TMEM181: variants seen among roughly 807,000 people sequenced by gnomAD.
TMEM181 encodes G protein-coupled receptor 178.
In TMEM181, 39 loss-of-function variants were observed where a neutral mutation model predicts 71.9. The observed-to-expected ratio is 0.54, with a 90% CI of 0.42 to 0.71. The LOEUF (loss-of-function observed/expected upper bound fraction) is 0.71, where lower values mean the gene tolerates loss of function less well. Among genes scored for constraint, TMEM181 ranks in the 30% least tolerant of loss-of-function variants. TMEM181 has a pLI of 0.00. For missense variants in TMEM181, 595 were observed against 583.0 expected (o/e 1.02, Z -0.21); for synonymous variants, 245 against 228.8 (o/e 1.07, Z -0.64).
chr6:158,608,042 TCA>T (rs1275936489), intron 8 of TMEM181, among the ~76,000 whole-genome samples: 1 of 152,252 alleles, frequency 6.6e-6, no homozygotes, highest in African/African-American at 2.4e-5. Context: ...AGCAATCTGT[TCA>T]GTGGCTTTTA....
chr6:158,612,578 C>G (rs1299312129), intron 10 of TMEM181, among the ~76,000 whole-genome samples: 3 of 152,192 alleles, frequency 2.0e-5, no homozygotes, highest in Non-Finnish European at 4.4e-5. Flanking sequence ...TTTTTGTTCC[C>G]AAACCAATAA....
chr6:158,595,621 A>G (rs1463262260), intron 6 of TMEM181, among the ~76,000 whole-genome samples: 1 of 152,256 alleles, frequency 6.6e-6, no homozygotes, highest in Non-Finnish European at 1.5e-5. Flanking sequence ...TCATAGCTTC[A>G]TGTAATGTCA....
chr6:158,570,981 C>G (rs1209147937), intron 1 of TMEM181, among the ~76,000 whole-genome samples: 25 of 149,980 alleles, frequency 1.7e-4, no homozygotes, highest in African/African-American at 6.1e-4. Flanking sequence ...GGTGTGATCT[C>G]GGCTCACTGC....
intron 8 of TMEM181, 25 bp downstream of exon 8, chr6:158,607,368 G>A: frequency 6.2e-7 from 1 of 1,606,394 alleles, no homozygotes; most frequent in Non-Finnish European, 8.5e-7. Flanking sequence ...TTTTACTTAG[G>A]AACTTTTCCC....
chr6:158,631,517 T>A (rs1175988750), intron 16 of TMEM181, 128 bp downstream of exon 16: 2 of 1,046,440 alleles, frequency 1.9e-6, no homozygotes, highest in Non-Finnish European at 2.9e-6. Context: ...GAGTGTCAAG[T>A]GGCTCGTGGT....
At chr6:158,628,833 G>A (rs1187883547) in intron 14 of TMEM181, among the ~76,000 whole-genome samples, 1 of 152,236 alleles carries the variant, frequency 6.6e-6, no homozygotes, top group Non-Finnish European at 1.5e-5. Context: ...AGGTAAATGA[G>A]GTGCGGTTGC....
At position 158,633,604 on chromosome 6, in the gene TMEM181, G is replaced by A. The variant is rs746307215; in HGVS notation, c.*1716G>A. 2.0e-5 allele frequency: 3 copies of A among 151,112 alleles called. No homozygotes were observed. Among genetic ancestry groups the A allele is most frequent in the East Asian group, 3.8e-4 (2 of 5,200 alleles). 9.4% of individuals were successfully genotyped at this position (151,112 alleles called of 1,614,324 possible). A position where few individuals can be genotyped will look rare whatever the true frequency, so the allele number is the denominator to read the frequency against. ...ATCCACGTTAAGTAGTGCTAGGTAG[G>A]ACCTTAGAGATGTTCATGAGAAACT... On this transcript the variant is annotated 3_prime_UTR_variant, in exon 17 of 17. Transcript: ENST00000684151.
intron 1 of TMEM181, chr6:158,572,561 C>A: frequency 2.2e-6 from 1 of 445,192 alleles, no homozygotes; most frequent in Non-Finnish European, 4.5e-6. Context: ...CTCGTGCGTC[C>A]TGTGCTGCTC....
At chr6:158,550,397 C>A (rs1218095648) in intron 1 of TMEM181, among the ~76,000 whole-genome samples, 1 of 151,672 alleles carries the variant, frequency 6.6e-6, no homozygotes, top group Non-Finnish European at 1.5e-5. Context: ...GTGGCTCATG[C>A]CTGTAATCCC....
At position 158,628,596 on chromosome 6, in the gene TMEM181, C is replaced by T. The variant is rs1056601230; in HGVS notation, c.1192+106C>T. On this transcript the variant is annotated intron_variant, in intron 14 of 16. Coordinates refer to ENST00000684151, the MANE Select transcript of TMEM181 (RefSeq NM_001376852.1). ...CAAGAGGAGACAGGTCAGCTCCTCG[C>T]GCCCTGTTCTCCGGAGGCCTCGTCT... The T allele has an allele frequency of 1.8e-4, 177 of 957,180 alleles. No homozygotes were observed. The African/African-American group carries it at 2.3e-3, about 13-fold the overall frequency. The allele number at this position is 957,180 out of a possible 1,614,324, so 59.3% of individuals were successfully genotyped here. A position where few individuals can be genotyped will look rare whatever the true frequency, so the allele number is the denominator to read the frequency against.
upstream of TMEM181, among the ~76,000 whole-genome samples, chr6:158,556,116 A>G (rs1781876058): frequency 1.3e-5 from 2 of 152,256 alleles, no homozygotes; most frequent in Non-Finnish European, 2.9e-5. Context: ...AGGACTTTTC[A>G]GAAAAGACAA....
intron 1 of TMEM181, among the ~76,000 whole-genome samples, chr6:158,572,788 G>A (rs1017384676): frequency 2.0e-5 from 3 of 152,174 alleles, no homozygotes; most frequent in South Asian, 2.1e-4. Flanking sequence ...AAACCTGCAC[G>A]GCAAGGCAGC....
In TMEM181 at chr6:158,633,107, T is replaced by A. The variant is rs2128334859; in HGVS notation, c.*1219T>A. On this transcript the variant is annotated 3_prime_UTR_variant, in exon 17 of 17. Coordinates refer to ENST00000684151, the MANE Select transcript of TMEM181 (RefSeq NM_001376852.1). ...GCTACATGAAAGATTGATAGAATAT[T>A]TTAGATTATTTATTGGCCAAAAGTT... The A allele has an allele frequency of 6.6e-6, 1 of 152,270 alleles. No homozygotes were observed. Among genetic ancestry groups the A allele is most frequent in the Non-Finnish European group, 1.5e-5 (1 of 68,022 alleles). 9.4% of individuals were successfully genotyped at this position (152,270 alleles called of 1,614,324 possible).
intron 1 of TMEM181, among the ~76,000 whole-genome samples, chr6:158,568,015 G>T (rs769675213): frequency 6.6e-6 from 1 of 152,122 alleles, no homozygotes; most frequent in Non-Finnish European, 1.5e-5. Context: ...AGGAAGGTGC[G>T]TTTGGAGGTG....
intron 4 of TMEM181, 58 bp from the exon 5 acceptor site, chr6:158,585,246 C>T (rs1327924404): frequency 5.3e-6 from 8 of 1,504,708 alleles, no homozygotes; most frequent in Non-Finnish European, 7.1e-6. Context: ...AGGAAGGCAC[C>T]TTTGTAGGTG....
intron 6 of TMEM181, among the ~76,000 whole-genome samples, chr6:158,592,533 C>T (rs1448126376): frequency 3.3e-5 from 5 of 151,604 alleles, no homozygotes; most frequent in Non-Finnish European, 5.9e-5. Flanking sequence ...AGTGCAGTGG[C>T]GCGATCACGG....
intron 1 of TMEM181, among the ~76,000 whole-genome samples, chr6:158,567,196 A>G (rs1372620464): frequency 2.6e-5 from 4 of 152,202 alleles, no homozygotes. Flanking sequence ...GGCCCCAGCA[A>G]GAAGAAGAGG....
chr6:158,561,746 T>G (rs571160615), intron 1 of TMEM181, among the ~76,000 whole-genome samples: 1 of 152,142 alleles, frequency 6.6e-6, no homozygotes, highest in South Asian at 2.1e-4. Flanking sequence ...GTTTGAGGCC[T>G]CCCCCTGCAG....
intron 5 of TMEM181, 136 bp downstream of exon 5, chr6:158,585,561 T>A (rs957949261): frequency 1.2e-4 from 137 of 1,159,312 alleles, no homozygotes; most frequent in Non-Finnish European, 1.5e-4. Flanking sequence ...AATGGAGTCA[T>A]ACCAAAGATG....
Sources: gnomAD v4.1 joint callset for allele counts (sites outside exome capture counted in the v4.1 genomes callset) on GRCh38, gnomAD v4.1.1 for gene constraint, MANE v1.5 for transcripts, NCBI Gene and HGNC (gene_info 2026-07-23, HGNC 2026-07-21) for gene names.